The following PTK2B variants were observed in gnomAD, a reference collection of about 807,000 sequenced individuals.
The protein encoded by PTK2B is protein-tyrosine kinase 2-beta.
In PTK2B, 71 loss-of-function variants were observed where a neutral mutation model predicts 142.9. That is an observed-to-expected ratio of 0.50 (90% confidence interval 0.41 to 0.61). The LOEUF (loss-of-function observed/expected upper bound fraction) is 0.61. Among genes scored for constraint, PTK2B ranks in the 20% least tolerant of loss-of-function variants. PTK2B has a pLI of 0.00. For synonymous variants in PTK2B, 519 were observed against 503.4 expected (o/e 1.03, Z -0.42); for missense variants, 1,105 against 1,320.4 (o/e 0.84, Z 2.53).
intron 2 of PTK2B, among the ~76,000 whole-genome samples, chr8:27,403,853 C>A (rs1808534574): frequency 6.6e-6 from 1 of 151,634 alleles, no homozygotes; most frequent in South Asian, 2.1e-4. Flanking sequence ...TCTCTTCTTT[C>A]TTTTTTCTTC....
In PTK2B at chr8:27,458,685, C is replaced by A; in HGVS notation, c.*176C>A. On this transcript the variant is annotated 3_prime_UTR_variant, in exon 31 of 31. Transcript: ENST00000346049. ...ACCCCTGGCTGTACTGCTCAGGCTG[C>A]AGCTGGACAGAGGGGACTCTGGGCT... is the stretch of plus-strand genomic sequence containing the variant. 1.5e-6 allele frequency: 1 copy of A among 650,446 alleles called. No homozygotes were observed. The highest frequency in any genetic ancestry group is 1.9e-5 in the South Asian group (1 of 52,434). The allele number at this position is 650,446 out of a possible 1,614,324, so 40.3% of individuals were successfully genotyped here. A position where few individuals can be genotyped will look rare whatever the true frequency, so the allele number is the denominator to read the frequency against.
intron 1 of PTK2B, among the ~76,000 whole-genome samples, chr8:27,333,999 T>C (rs1803911705): frequency 6.6e-6 from 1 of 152,148 alleles, no homozygotes; most frequent in Non-Finnish European, 1.5e-5. Flanking sequence ...CTCCTCTTCA[T>C]GGGGTTGTTC....
chr8:27,310,699 G>T, upstream of PTK2B: 1 of 1,317,278 alleles, frequency 7.6e-7, no homozygotes, highest in Non-Finnish European at 1.0e-6. Flanking sequence ...CGAGACGCGG[G>T]CACACTGGGC....
upstream of PTK2B, chr8:27,310,652 A>G (rs1221251254): frequency 7.8e-6 from 7 of 895,220 alleles, no homozygotes; most frequent in Non-Finnish European, 1.2e-5. Context: ...AGCCCTGAGA[A>G]CCTGGGTCGG....
chr8:27,351,683 C>G (rs774274945), intron 1 of PTK2B, among the ~76,000 whole-genome samples: 1 of 152,214 alleles, frequency 6.6e-6, no homozygotes, highest in South Asian at 2.1e-4. Context: ...CAACATTTCA[C>G]AATCTCCAGG....
At chr8:27,318,394 G>A (rs1803137290) in intron 3 of PTK2B, among the ~76,000 whole-genome samples, 1 of 152,208 alleles carries the variant, frequency 6.6e-6, no homozygotes, top group Non-Finnish European at 1.5e-5. Flanking sequence ...TTGGGGACCA[G>A]ATGAGCCCAC....
intron 2 of PTK2B, 140 bp from the exon 3 acceptor site, chr8:27,419,755 A>G: frequency 1.1e-6 from 1 of 887,784 alleles, no homozygotes; most frequent in Non-Finnish European, 1.7e-6. Flanking sequence ...ATCTTCCCCT[A>G]AATGCTAGAG....
At chr8:27,425,002 G>A (rs188213776) in intron 5 of PTK2B, among the ~76,000 whole-genome samples, 36 of 152,170 alleles carry the variant, frequency 2.4e-4, no homozygotes, top group African/African-American at 8.4e-4. Context: ...TCGATTACCC[G>A]CTCTCTGCCC....
intron 1 of PTK2B, among the ~76,000 whole-genome samples, chr8:27,331,701 G>T (rs1309373912): frequency 6.6e-6 from 1 of 152,038 alleles, no homozygotes; most frequent in East Asian, 1.9e-4. Context: ...TAGCCAGGCT[G>T]GTCTCGAACT....
intron 24 of PTK2B, among the ~76,000 whole-genome samples, chr8:27,448,897 C>A (rs1302379443): frequency 6.6e-6 from 1 of 152,148 alleles, no homozygotes; most frequent in African/African-American, 2.4e-5. Flanking sequence ...TTTATCAATT[C>A]CATGATTATA....
intron 1 of PTK2B, among the ~76,000 whole-genome samples, chr8:27,326,446 T>A (rs1173236280): frequency 6.6e-6 from 1 of 152,210 alleles, no homozygotes; most frequent in Non-Finnish European, 1.5e-5. Context: ...CTCGACCACA[T>A]GACACTGGCA....
At chr8:27,385,760 G>A (rs1807311157) in intron 1 of PTK2B, among the ~76,000 whole-genome samples, 1 of 152,052 alleles carries the variant, frequency 6.6e-6, no homozygotes. Flanking sequence ...GGGTATGGGG[G>A]CGGGCACCTA....
chr8:27,443,009 T>A, intron 22 of PTK2B, 26 bp downstream of exon 22: 1 of 1,579,120 alleles, frequency 6.3e-7, no homozygotes, highest in Non-Finnish European at 8.7e-7. Flanking sequence ...GCCTCATAAG[T>A]CCTGTGAGTC....
intron 1 of PTK2B, among the ~76,000 whole-genome samples, chr8:27,340,720 G>A (rs1171178417): frequency 6.6e-6 from 1 of 152,256 alleles, no homozygotes; most frequent in Non-Finnish European, 1.5e-5. Flanking sequence ...TTTCTGGGGT[G>A]TGGCCAGGGC....
intron 8 of PTK2B, 100 bp from the exon 9 acceptor site, chr8:27,431,298 G>A (rs1810404145): frequency 2.5e-6 from 4 of 1,590,638 alleles, no homozygotes; most frequent in Non-Finnish European, 2.6e-6. Context: ...GGAGACCCAG[G>A]AAACAGTGGC....
intron 16 of PTK2B, 22 bp from the exon 17 acceptor site, chr8:27,437,374 C>A (rs1452154494): frequency 6.2e-7 from 1 of 1,601,586 alleles, no homozygotes; most frequent in Non-Finnish European, 8.5e-7. Flanking sequence ...CCACCTGTCC[C>A]TCTTGCCCCA....
intron 1 of PTK2B, among the ~76,000 whole-genome samples, chr8:27,379,524 A>G (rs10098162): frequency 0.91 from 139,187 of 152,256 alleles, 63,835 homozygotes; most frequent in East Asian, 1. Flanking sequence ...CACCACACCC[A>G]GCCTACCACA....
chr8:27,421,340 T>G lies in PTK2B; in HGVS notation c.471+596T>G, dbSNP rs56303245. On this transcript the variant is annotated intron_variant, in intron 4 of 30. Transcript: ENST00000346049. ...TATTTATTTATTTCAATGGGTTTTT[T>G]GGGGGAACAGGTGGTGTTGGTTACA... is the stretch of plus-strand genomic sequence containing the variant. Among the ~76,000 whole-genome samples the G allele has an allele frequency of 8.3e-3, 1,264 of 151,742 alleles. 16 individuals are homozygous for G. The highest frequency in any genetic ancestry group is 0.03 in the African/African-American group (1,225 of 41,344).
chr8:27,321,025 T>C (rs1275621167), upstream of PTK2B, among the ~76,000 whole-genome samples: 4 of 123,004 alleles, frequency 3.3e-5, no homozygotes, highest in Non-Finnish European at 5.0e-5. Context: ...AGGGTGTTGC[T>C]CTGTTGCCCA....
Sources: gnomAD v4.1 joint callset for allele counts (sites outside exome capture counted in the v4.1 genomes callset) on GRCh38, gnomAD v4.1.1 for gene constraint, MANE v1.5 for transcripts, NCBI Gene and HGNC (gene_info 2026-07-23, HGNC 2026-07-21) for gene names.